The following SORCS1 variants were observed in gnomAD, a reference collection of about 807,000 sequenced individuals.
SORCS1 encodes sortilin related VPS10 domain containing receptor 1.
SORCS1 carries 60 observed loss-of-function variants against 146.1 expected under a neutral mutation model. The ratio of observed to expected loss-of-function variants is 0.41; its 90% CI spans 0.33 to 0.51. The LOEUF is 0.51. SORCS1 is among the 20% of genes least tolerant of loss of function. The probability of loss-of-function intolerance (pLI) is 0.21; values close to 1 mark genes in which losing one functional copy is unlikely to be tolerated. For missense variants in SORCS1, 1,352 were observed against 1,487.6 expected, an observed-to-expected ratio of 0.91 and a Z score of 1.50; for synonymous variants, 637 against 584.0, an observed-to-expected ratio of 1.09 and a Z score of -1.31.
At chr10:106,693,046 G>C (rs1478900696) in intron 9 of SORCS1, among the ~76,000 whole-genome samples, 1 of 152,118 alleles carries the variant, frequency 6.6e-6, no homozygotes, top group Non-Finnish European at 1.5e-5. Flanking sequence ...TTCAGGCTAT[G>C]TGATAAGGTA....
intron 1 of SORCS1, among the ~76,000 whole-genome samples, chr10:107,061,811 T>C (rs965277124): frequency 6.6e-6 from 1 of 152,164 alleles, no homozygotes; most frequent in Non-Finnish European, 1.5e-5. Flanking sequence ...AACACATGAA[T>C]GACTCATTAA....
In SORCS1 at chr10:106,677,371, C is replaced by T; in HGVS notation, c.1774G>A (p.Asp592Asn). Residue 592 changes from aspartate to asparagine, a missense_variant, in exon 13 of 26, where the codon GAT becomes AAT. Physicochemically the swap from Asp to Asn is conservative, Grantham distance 23 (BLOSUM62 1). Around this residue, in one of 3 missense-constraint regions of SORCS1, gnomAD observed 648 missense variants for 793.8 expected, o/e 0.82. Coordinates refer to ENST00000263054, the MANE Select transcript of SORCS1 (RefSeq NM_052918.5). Reference sequence around the variant, plus strand: ...ATAGCAACCAGGACTCCACCTTGATCCAGGTACAAAACACTGTGCTCTTCT... The same window carrying T: ...ATAGCAACCAGGACTCCACCTTGATTCAGGTACAAAACACTGTGCTCTTCT... ...FEEEHSVLYL[D>N]QGGVLVAMKH... The T allele has an allele frequency of 6.2e-7, 1 of 1,613,902 alleles. No homozygotes were observed. The highest frequency in any genetic ancestry group is 8.5e-7 in the Non-Finnish European group (1 of 1,179,874).
intron 1 of SORCS1, among the ~76,000 whole-genome samples, chr10:106,976,325 G>GTTTGTTT: frequency 1.1e-5 from 1 of 90,496 alleles, no homozygotes; most frequent in East Asian, 3.0e-4. Flanking sequence ...CATCATCTAG[G>GTTTGTTT]TTTTTTTGTT....
chr10:107,012,010 T>C (rs534812755), intron 1 of SORCS1, among the ~76,000 whole-genome samples: 1 of 152,330 alleles, frequency 6.6e-6, no homozygotes, highest in South Asian at 2.1e-4. Context: ...ATTTTTTTAG[T>C]AATTTTTAAC....
intron 17 of SORCS1, among the ~76,000 whole-genome samples, chr10:106,653,504 T>A (rs1850043236): frequency 6.6e-6 from 1 of 152,208 alleles, no homozygotes; most frequent in African/African-American, 2.4e-5. Context: ...GTTTTGCAGG[T>A]TATGTAGACT....
chr10:106,794,047 T>C (rs1946430434), intron 3 of SORCS1, among the ~76,000 whole-genome samples: 1 of 152,212 alleles, frequency 6.6e-6, no homozygotes, highest in South Asian at 2.1e-4. Flanking sequence ...AGTAGCATAG[T>C]GAAATGCAAA....
intron 3 of SORCS1, among the ~76,000 whole-genome samples, chr10:106,827,383 A>C (rs1400268019): frequency 1.3e-5 from 2 of 152,162 alleles, no homozygotes; most frequent in Non-Finnish European, 2.9e-5. Context: ...AGTAGATTCA[A>C]GGCAGGGACT....
chr10:107,164,609 G>C lies in SORCS1; in HGVS notation c.-83C>G. 2 of 1,153,430 alleles carry C rather than the reference G, an allele frequency of 1.7e-6. No individual in the cohort carries two copies. The highest frequency in any genetic ancestry group is 2.2e-6 in the Non-Finnish European group (2 of 896,506). The allele number at this position is 1,153,430 out of a possible 1,614,324, so 71.4% of individuals were successfully genotyped here. ...TCTGCGCTGGCGGCTGTGGGGGGCC[G>C]GCGCTCAGGACCCCAACTCCATCCA... On this transcript the variant is annotated 5_prime_UTR_variant, in exon 1 of 26. Transcript: ENST00000263054. The surrounding 1 kb of genome is among the most constrained non-coding windows in gnomAD (Gnocchi z 6.8).
chr10:107,006,035 C>T lies in SORCS1; in HGVS notation c.559-49455G>A, dbSNP rs74459372. ...CCCACCTCCCCTTCATATTTCCCTA[C>T]ATTGTCCAATTTAATACATATCACA... On this transcript the variant is annotated intron_variant, in intron 1 of 25. Transcript: ENST00000263054. 8.9e-3 allele frequency among the ~76,000 whole-genome samples: 1,360 copies of T among 152,304 alleles called. 27 individuals carry two copies. The highest frequency in any genetic ancestry group is 0.032 in the African/African-American group (1,311 of 41,564).
At chr10:107,056,397 C>T (rs1960640280) in intron 1 of SORCS1, among the ~76,000 whole-genome samples, 1 of 152,202 alleles carries the variant, frequency 6.6e-6, no homozygotes, top group Admixed American at 6.5e-5. Context: ...GAGCTAGGAG[C>T]CATCCATGTG....
intron 1 of SORCS1, among the ~76,000 whole-genome samples, chr10:106,974,540 G>A (rs938868650): frequency 6.6e-6 from 1 of 152,184 alleles, no homozygotes; most frequent in South Asian, 2.1e-4. Flanking sequence ...CTTAACAAGA[G>A]ATCCACAAGG....
At chr10:107,039,122 G>A (rs984517019) in intron 1 of SORCS1, among the ~76,000 whole-genome samples, 4 of 152,032 alleles carry the variant, frequency 2.6e-5, no homozygotes, top group African/African-American at 9.7e-5. Context: ...AAGGTCAGGA[G>A]ATCGAGACCA....
intron 3 of SORCS1, among the ~76,000 whole-genome samples, chr10:106,805,492 A>G (rs925749953): frequency 8.5e-5 from 13 of 152,320 alleles, no homozygotes; most frequent in Admixed American, 7.2e-4. Flanking sequence ...AAAGGACCTC[A>G]TGACATTTAT....
intron 18 of SORCS1, among the ~76,000 whole-genome samples, chr10:106,641,866 TA>T (rs1849092257): frequency 6.6e-6 from 1 of 152,192 alleles, no homozygotes; most frequent in African/African-American, 2.4e-5. Flanking sequence ...AGGCACTTTC[TA>T]CTTCATGTCA....
chr10:107,031,342 AT>A (rs1365062861), intron 1 of SORCS1, among the ~76,000 whole-genome samples: 1 of 151,614 alleles, frequency 6.6e-6, no homozygotes, highest in Non-Finnish European at 1.5e-5. Context: ...TTTCTAATGC[AT>A]TTTTTTCTAG....
At chr10:106,759,551 A>T (rs7893343) in intron 5 of SORCS1, among the ~76,000 whole-genome samples, 3 of 152,166 alleles carry the variant, frequency 2.0e-5, no homozygotes, top group African/African-American at 7.2e-5. Context: ...ATGTTCTGTG[A>T]TTTGTTCTTA....
chr10:106,790,135 G>A (rs574319354), intron 3 of SORCS1, among the ~76,000 whole-genome samples: 104 of 152,156 alleles, frequency 6.8e-4, no homozygotes, highest in African/African-American at 2.3e-3. Context: ...CCACATCATG[G>A]TGCTTCTCAA....
intron 2 of SORCS1, among the ~76,000 whole-genome samples, chr10:106,912,812 G>A (rs1204356301): frequency 1.3e-5 from 2 of 152,006 alleles, no homozygotes; most frequent in Non-Finnish European, 2.9e-5. Context: ...CTGAGTAGCT[G>A]GGACTACAGG....
chr10:106,663,599 G>T (rs1358144584), intron 17 of SORCS1, among the ~76,000 whole-genome samples: 2 of 152,154 alleles, frequency 1.3e-5, no homozygotes, highest in African/African-American at 4.8e-5. Flanking sequence ...TCAACACATA[G>T]CCAAATGACA....
Sources: gnomAD v4.1 joint callset for allele counts (sites outside exome capture counted in the v4.1 genomes callset) on GRCh38, gnomAD v4.1.1 for gene constraint, gnomAD v4.1.1 regional missense constraint, Gnocchi (gnomAD v3.1) non-coding constraint, MANE v1.5 for transcripts, NCBI Gene and HGNC (gene_info 2026-07-23, HGNC 2026-07-21) for gene names.